Variants in ZNF385A observed in about 807,000 individuals in gnomAD.
ZNF385A encodes the protein hematopoietic zinc finger protein.
In ZNF385A, 14 loss-of-function variants were observed where a neutral mutation model predicts 32.1. The ratio of observed to expected loss-of-function variants is 0.44; its 90% CI spans 0.29 to 0.68. The LOEUF is 0.68. ZNF385A is among the 30% of genes least tolerant of loss of function. The probability of loss-of-function intolerance (pLI) is 0.14; values close to 1 mark genes in which losing one functional copy is unlikely to be tolerated. For missense variants in ZNF385A, 406 were observed against 478.4 expected, an observed-to-expected ratio of 0.85 and a Z score of 1.41; for synonymous variants, 197 against 202.7, an observed-to-expected ratio of 0.97 and a Z score of 0.24.
At chr12:54,386,467 T>C (rs915624602), upstream of ZNF385A, among the ~76,000 whole-genome samples, 19 of 151,900 alleles carry the variant, frequency 1.3e-4, no homozygotes, top group African/African-American at 4.4e-4. Flanking sequence ...GAGGGACAGA[T>C]AGATGGATGG....
At chr12:54,385,755 C>A, upstream of ZNF385A, 1 of 786,054 alleles carries the variant, frequency 1.3e-6, no homozygotes, top group Non-Finnish European at 1.5e-6. Flanking sequence ...CGTCCCCTTC[C>A]CTTGGTTCTG....
chr12:54,379,387 A>G (rs1955020764), intron 1 of ZNF385A, among the ~76,000 whole-genome samples: 2 of 151,970 alleles, frequency 1.3e-5, no homozygotes, highest in Admixed American at 1.3e-4. Context: ...TGTTCTGAAG[A>G]GAAGGAGCCG....
chr12:54,370,926 C>T lies in ZNF385A; in HGVS notation c.774+1G>A. On this transcript the variant is annotated splice_donor_variant, in intron 5 of 6. Transcript: ENST00000394313. LOFTEE classifies it high-confidence loss of function. This position sits in a 1 kb window ranked among gnomAD's most constrained non-coding sequence, Gnocchi z 5.5. ...ATTCCTGGGAAGGGCCTTAGACCCA[C>T]CTGTTTCAGTTGGACCTCCGAGTTG... 1.2e-6 allele frequency: 2 copies of T among 1,614,218 alleles called. No individual in the cohort carries two copies. The highest frequency in any genetic ancestry group is 8.5e-7 in the Non-Finnish European group (1 of 1,180,022).
intron 1 of ZNF385A, among the ~76,000 whole-genome samples, chr12:54,378,386 G>T (rs1218982185): frequency 1.3e-5 from 2 of 152,086 alleles, no homozygotes; most frequent in East Asian, 3.9e-4. Context: ...GGCCTCGAAA[G>T]GTCCATAAAA....
chr12:54,389,366 G>T (rs116805855), upstream of ZNF385A, among the ~76,000 whole-genome samples: 942 of 152,290 alleles, frequency 6.2e-3, 15 homozygotes, highest in African/African-American at 0.022. Context: ...CGGAGCCCTG[G>T]CTGGCAGCTT....
chr12:54,375,484 C>T (rs1954799919), intron 2 of ZNF385A, among the ~76,000 whole-genome samples: 1 of 152,184 alleles, frequency 6.6e-6, no homozygotes, highest in Non-Finnish European at 1.5e-5. Flanking sequence ...TGACCTAACT[C>T]TGCCCCATAC....
At chr12:54,381,679 C>T (rs543948452) in intron 1 of ZNF385A, among the ~76,000 whole-genome samples, 2 of 152,316 alleles carry the variant, frequency 1.3e-5, no homozygotes, top group South Asian at 4.1e-4. Context: ...TCCTTTCTAG[C>T]CCTTGTTCAT....
chr12:54,371,526 G>A lies in ZNF385A; in HGVS notation c.551C>T (p.Ala184Val), dbSNP rs575503106. 1.2e-6 allele frequency: 2 copies of A among 1,613,398 alleles called. No homozygotes were observed. The highest frequency in any genetic ancestry group is 1.3e-5 in the African/African-American group (1 of 74,994). Reference sequence around the variant, plus strand: ...GGAGTTCACAGCCACCTTGCACAGAGCACAGTAGAGCAGCCGCTTGGCTTT... The same window carrying A: ...GGAGTTCACAGCCACCTTGCACAGAACACAGTAGAGCAGCCGCTTGGCTTT... Reference protein sequence around the residue: ...EEKAKRLLYCALCKVAVNSLS... With the variant: ...EEKAKRLLYCVLCKVAVNSLS... The change falls in exon 4 of 7, where the codon GCT becomes GTT. Residue 184 changes from alanine (A) to valine (V), a missense_variant. Transcript: ENST00000394313.
chr12:54,372,257 A>C (rs1215073521), intron 3 of ZNF385A, among the ~76,000 whole-genome samples: 1 of 152,242 alleles, frequency 6.6e-6, no homozygotes, highest in African/African-American at 2.4e-5. Context: ...GGCTTGATTA[A>C]AGATGCACAG....
Position 54,384,620 on chromosome 12 carries a change from A to G in ZNF385A, c.-106T>C. On this transcript the variant is annotated 5_prime_UTR_variant, in exon 1 of 7. Transcript: ENST00000394313. The stretch of plus-strand genomic sequence containing the variant: ...AGGAAGATTAAAGCTTGGGAACCCC[A>G]CCCAAGCCTGCCAGTCCCACTCCCT... The G allele has an allele frequency of 7.1e-7, 1 of 1,416,328 alleles. No homozygotes were observed. Among genetic ancestry groups the G allele is most frequent in the Non-Finnish European group, 9.2e-7 (1 of 1,088,810 alleles). 87.7% of individuals were successfully genotyped at this position (1,416,328 alleles called of 1,614,324 possible).
At chr12:54,379,780 C>G (rs1303461383) in intron 1 of ZNF385A, among the ~76,000 whole-genome samples, 3 of 152,200 alleles carry the variant, frequency 2.0e-5, no homozygotes, top group African/African-American at 7.2e-5. Context: ...ACCTCCTACC[C>G]GCGCCCGCCA....
chr12:54,378,894 G>A (rs1414799971), intron 1 of ZNF385A, among the ~76,000 whole-genome samples: 5 of 152,142 alleles, frequency 3.3e-5, no homozygotes, highest in South Asian at 2.1e-4. Context: ...GGGGGCATGA[G>A]CTGGGATCCC....
At position 54,370,001 on chromosome 12, in the gene ZNF385A, G is replaced by A. The variant is rs1954429179; in HGVS notation, c.*255C>T. ...GGGGTGTCTCCAAGGGGGCTCGGGGGTGAGACGGCCCCCCCTTTTCTAGGG... is the reference window on the plus strand; with the variant it reads ...GGGGTGTCTCCAAGGGGGCTCGGGGATGAGACGGCCCCCCCTTTTCTAGGG... On this transcript the variant is annotated 3_prime_UTR_variant, in exon 7 of 7. Coordinates refer to ENST00000394313, the MANE Select transcript of ZNF385A (RefSeq NM_015481.3). This position sits in a 1 kb window ranked among gnomAD's most constrained non-coding sequence, Gnocchi z 5.5. 2.5e-6 allele frequency: 1 copy of A among 397,828 alleles called. No individual in the cohort carries two copies. The highest frequency in any genetic ancestry group is 4.5e-6 in the Non-Finnish European group (1 of 223,868). 24.6% of individuals were successfully genotyped at this position (397,828 alleles called of 1,614,324 possible). A position where few individuals can be genotyped will look rare whatever the true frequency, so the allele number is the denominator to read the frequency against.
At chr12:54,371,176 A>C (rs1954530047) in intron 4 of ZNF385A, 80 bp from the exon 5 acceptor site, 2 of 1,473,302 alleles carry the variant, frequency 1.4e-6, no homozygotes, top group African/African-American at 2.8e-5. Context: ...GCACATTCCC[A>C]GGTACAATAT....
upstream of ZNF385A, among the ~76,000 whole-genome samples, chr12:54,386,173 G>GACACACACAC (rs57780822): frequency 8.5e-4 from 117 of 138,124 alleles, 2 homozygotes; most frequent in Middle Eastern, 3.6e-3. Context: ...GTGGAGAGAG[G>GACACACACAC]ACACACACAC....
chr12:54,382,868 T>A (rs1955268389), intron 1 of ZNF385A, among the ~76,000 whole-genome samples: 1 of 151,956 alleles, frequency 6.6e-6, no homozygotes, highest in Non-Finnish European at 1.5e-5. Context: ...TATTATTTTT[T>A]AAAACAAAAC....
In ZNF385A at chr12:54,370,405, T is replaced by C. The variant is rs1186828692; in HGVS notation, c.952A>G (p.Met318Val). The C allele has an allele frequency of 1.3e-6, 2 of 1,539,902 alleles. No individual in the cohort carries two copies. The change falls in exon 7 of 7, where the codon ATG (methionine) becomes GTG (valine). Residue 318 changes from methionine to valine, a missense_variant. By Grantham distance (21) the Met-to-Val change is conservative (BLOSUM62 1). Transcript: ENST00000394313. This position sits in a 1 kb window ranked among gnomAD's most constrained non-coding sequence, Gnocchi z 5.5. ...AGCGGCGAGCCTGCTGCCGCTGCCA[T>C]CACTGCAGCCACCGCCAGGGGGCTG... ...LPSPLAVAAV[M>V]AAAAGSPLSL... is the part of the protein sequence containing the mutation.
Position 54,370,289 on chromosome 12 carries a change from A to C in ZNF385A, c.1068T>G (p.Thr356=), listed in dbSNP as rs1416411522. 6.8e-7 allele frequency: 1 copy of C among 1,475,832 alleles called. No homozygotes were observed. The highest frequency in any genetic ancestry group is 9.0e-7 in the Non-Finnish European group (1 of 1,112,960). 91.4% of individuals were successfully genotyped at this position (1,475,832 alleles called of 1,614,324 possible). A position where few individuals can be genotyped will look rare whatever the true frequency, so the allele number is the denominator to read the frequency against. The change falls in exon 7 of 7, where the codon ACT becomes ACG. Residue 356 remains threonine, a synonymous_variant. Coordinates refer to ENST00000394313, the MANE Select transcript of ZNF385A (RefSeq NM_015481.3). The surrounding 1 kb of genome is among the most constrained non-coding windows in gnomAD (Gnocchi z 5.5). ...LLHPAPGPIR[T]AHGPILFSPY ...GGGAGAAGAGGATGGGTCCGTGCGC[A>C]GTTCGGATGGGTCCGGGGGCCGGGT...
At chr12:54,380,066 G>T (rs551969372) in intron 1 of ZNF385A, among the ~76,000 whole-genome samples, 3 of 152,224 alleles carry the variant, frequency 2.0e-5, no homozygotes, top group Non-Finnish European at 2.9e-5. Flanking sequence ...ACGTCCAAGG[G>T]CAGAGGGAAG....
Sources: gnomAD v4.1 joint callset for allele counts (sites outside exome capture counted in the v4.1 genomes callset) on GRCh38, gnomAD v4.1.1 for gene constraint, Gnocchi (gnomAD v3.1) non-coding constraint, MANE v1.5 for transcripts, NCBI Gene and HGNC (gene_info 2026-07-23, HGNC 2026-07-21) for gene names.